The following CCSER1 variants were observed in gnomAD, a reference collection of about 807,000 sequenced individuals.
The protein encoded by CCSER1 is serine-rich coiled-coil domain-containing protein 1.
Under a neutral mutation model 82.0 loss-of-function variants are expected in CCSER1, and 41 were observed. That is an observed-to-expected ratio of 0.50 (90% CI 0.39 to 0.65). The LOEUF is 0.65. CCSER1 is among the 30% of genes least tolerant of loss of function. The probability of loss-of-function intolerance (pLI) is 0.00; values close to 1 mark genes in which losing one functional copy is unlikely to be tolerated. For missense variants in CCSER1, 1,119 were observed against 1,064.2 expected (o/e 1.05, Z -0.72); for synonymous variants, 414 against 383.9 (o/e 1.08, Z -0.92).
In CCSER1 at chr4:91,020,430, A is replaced by C. The variant is rs554067987; in HGVS notation, c.2173-65520A>C. ...GTCATCCCAGCACTTTGGGAGGCCAAGGCGGGTGGATCACGAGGTCAGGAG... is the reference window on the plus strand; with the variant it reads ...GTCATCCCAGCACTTTGGGAGGCCACGGCGGGTGGATCACGAGGTCAGGAG... On this transcript the variant is annotated intron_variant, in intron 9 of 10. Transcript: ENST00000509176. 7.2e-5 allele frequency among the ~76,000 whole-genome samples: 11 copies of C among 152,310 alleles called. No homozygotes were observed. In the South Asian group the frequency reaches 2.3e-3, roughly 32 times the overall value.
chr4:91,329,277 T>A (rs1400956299), intron 10 of CCSER1, among the ~76,000 whole-genome samples: 1 of 152,200 alleles, frequency 6.6e-6, no homozygotes, highest in East Asian at 1.9e-4. Flanking sequence ...AGCAATTTTT[T>A]AAAAATCATC....
At chr4:90,196,691 T>A (rs1284491091) in intron 1 of CCSER1, among the ~76,000 whole-genome samples, 1 of 69,642 alleles carries the variant, frequency 1.4e-5, no homozygotes, top group Non-Finnish European at 2.6e-5. Flanking sequence ...ACACACACAA[T>A]CTTAGCTCAT....
intron 4 of CCSER1, among the ~76,000 whole-genome samples, chr4:90,463,675 T>G (rs10029416): frequency 0.019 from 2,926 of 152,256 alleles, 82 homozygotes; most frequent in African/African-American, 0.067. Context: ...TTTTTAAGGC[T>G]GCAATTTGCC....
At chr4:90,459,617 C>T (rs1296660023) in intron 4 of CCSER1, among the ~76,000 whole-genome samples, 1 of 151,938 alleles carries the variant, frequency 6.6e-6, no homozygotes, top group Non-Finnish European at 1.5e-5. Flanking sequence ...TCTGTGTCTT[C>T]GATGTTTTTT....
At chr4:90,520,616 C>T (rs886969720) in intron 5 of CCSER1, among the ~76,000 whole-genome samples, 4 of 152,108 alleles carry the variant, frequency 2.6e-5, no homozygotes, top group African/African-American at 7.2e-5. Context: ...ATCAGATATT[C>T]ATCAGCATTA....
intron 1 of CCSER1, among the ~76,000 whole-genome samples, chr4:90,294,887 T>A (rs895561281): frequency 6.6e-6 from 1 of 151,990 alleles, no homozygotes; most frequent in South Asian, 2.1e-4. Context: ...CACATATGAT[T>A]CTGCAGAGTA....
At chr4:90,667,890 A>G (rs1273664842) in intron 6 of CCSER1, among the ~76,000 whole-genome samples, 2 of 152,194 alleles carry the variant, frequency 1.3e-5, no homozygotes, top group African/African-American at 4.8e-5. Flanking sequence ...ACAAATAAAC[A>G]GTTTTTAGAC....
intron 9 of CCSER1, among the ~76,000 whole-genome samples, chr4:91,003,903 T>A (rs1004106987): frequency 6.6e-6 from 1 of 152,206 alleles, no homozygotes; most frequent in African/African-American, 2.4e-5. Flanking sequence ...TTTTCCTGCT[T>A]CTTCCTCTAC....
intron 1 of CCSER1, among the ~76,000 whole-genome samples, chr4:90,257,080 T>C (rs1723447002): frequency 6.6e-6 from 1 of 152,068 alleles, no homozygotes; most frequent in South Asian, 2.1e-4. Context: ...GGGATTGCTA[T>C]ATTCACTGTT....
chr4:90,639,675 T>C (rs9684386), intron 6 of CCSER1, among the ~76,000 whole-genome samples: 152,172 of 152,192 alleles, frequency 1, 76,076 homozygotes, highest in Middle Eastern at 1. Context: ...TCACTTGAGT[T>C]ACAGGCAGAT....
chr4:90,410,465 G>A (rs778002616), intron 4 of CCSER1, among the ~76,000 whole-genome samples: 1 of 152,166 alleles, frequency 6.6e-6, no homozygotes, highest in Non-Finnish European at 1.5e-5. Flanking sequence ...CTAGAACTCA[G>A]CACTAAGAAA....
chr4:90,961,809 A>T (rs1181246596), intron 9 of CCSER1, among the ~76,000 whole-genome samples: 1 of 152,110 alleles, frequency 6.6e-6, no homozygotes, highest in Non-Finnish European at 1.5e-5. Context: ...TCAATATAAT[A>T]TAGAATTGTT....
rs1434555661 is a variant in CCSER1, at chr4:90,280,309, C to G, written c.-41-27935C>G. Reference sequence around the variant, plus strand: ...TTCCCTGAACAAATCATGAAGTCACCCTATCCCTTTCTCCCTCCCTTCCTT... The same window carrying G: ...TTCCCTGAACAAATCATGAAGTCACGCTATCCCTTTCTCCCTCCCTTCCTT... On this transcript the variant is annotated intron_variant, in intron 1 of 10. Coordinates refer to ENST00000509176, the MANE Select transcript of CCSER1 (RefSeq NM_001145065.2). Among the ~76,000 whole-genome samples, 3 of 151,700 alleles carry G rather than the reference C, an allele frequency of 2.0e-5. No individual in the cohort carries two copies. In the South Asian group the frequency reaches 6.2e-4, roughly 32 times the overall value.
intron 10 of CCSER1, among the ~76,000 whole-genome samples, chr4:91,198,065 C>T (rs948827763): frequency 6.6e-6 from 1 of 152,072 alleles, no homozygotes; most frequent in Non-Finnish European, 1.5e-5. Context: ...TCAATTCAAG[C>T]CATTACTTTT....
At chr4:90,242,411 A>G (rs1273877458) in intron 1 of CCSER1, among the ~76,000 whole-genome samples, 1 of 152,238 alleles carries the variant, frequency 6.6e-6, no homozygotes, top group East Asian at 1.9e-4. Flanking sequence ...TAGCTTTTAA[A>G]CTGTTGATAT....
intron 1 of CCSER1, among the ~76,000 whole-genome samples, chr4:90,159,159 T>C (rs1011277443): frequency 1.3e-5 from 2 of 152,040 alleles, no homozygotes; most frequent in African/African-American, 4.8e-5. Flanking sequence ...TCAGCCTCTT[T>C]AGTAACTAGG....
intron 10 of CCSER1, among the ~76,000 whole-genome samples, chr4:91,442,156 A>T (rs1755211355): frequency 6.6e-6 from 1 of 151,464 alleles, no homozygotes; most frequent in Non-Finnish European, 1.5e-5. Context: ...AAGAGCCCAC[A>T]TCGCCAAGTC....
intron 5 of CCSER1, among the ~76,000 whole-genome samples, chr4:90,478,800 G>C (rs1372878943): frequency 6.6e-6 from 1 of 150,526 alleles, no homozygotes; most frequent in Non-Finnish European, 1.5e-5. Flanking sequence ...GAGTTCAGTG[G>C]CGCAATCTCG....
intron 10 of CCSER1, among the ~76,000 whole-genome samples, chr4:91,530,257 A>C (rs1438639027): frequency 2.0e-5 from 3 of 152,122 alleles, no homozygotes; most frequent in Non-Finnish European, 4.4e-5. Context: ...TTTGCCTATC[A>C]ATAAGTTAAT....
Sources: allele counts gnomAD v4.1 joint callset (sites outside exome capture counted in the v4.1 genomes callset), GRCh38; gene constraint gnomAD v4.1.1; transcripts MANE v1.5; gene names NCBI Gene and HGNC (gene_info 2026-07-23, HGNC 2026-07-21).